Variants in ANK3 observed in about 807,000 individuals in gnomAD.
The protein encoded by ANK3 is ankyrin 3.
In ANK3, 57 loss-of-function variants were observed where a neutral mutation model predicts 370.9. The observed-to-expected ratio is 0.15, with a 90% CI of 0.12 to 0.19. ANK3 has a LOEUF of 0.19. Among genes scored for constraint, ANK3 ranks in the 10% least tolerant of loss-of-function variants. ANK3 has a pLI of 1.00. For synonymous variants in ANK3, 1,929 were observed against 1,946.3 expected, an observed-to-expected ratio of 0.99 and a Z score of 0.23; for missense variants, 4,439 against 5,302.1, an observed-to-expected ratio of 0.84 and a Z score of 5.06.
chr10:60,408,714 G>C (rs1303602983), intron 2 of ANK3, among the ~76,000 whole-genome samples: 1 of 152,148 alleles, frequency 6.6e-6, no homozygotes, highest in Non-Finnish European at 1.5e-5. Context: ...GGGGACCAAA[G>C]TGCTATCTCA....
chr10:60,411,768 C>CCA (rs2063565276), intron 2 of ANK3, among the ~76,000 whole-genome samples: 1 of 152,074 alleles, frequency 6.6e-6, no homozygotes, highest in Non-Finnish European at 1.5e-5. Context: ...GCCTCAGTTT[C>CCA]CACATTTCTA....
In ANK3 at chr10:60,063,219, G is replaced by A; in HGVS notation, c.12487C>T (p.Arg4163Ter). The A allele has an allele frequency of 1.2e-6, 2 of 1,607,626 alleles. No homozygotes were observed. The highest frequency in any genetic ancestry group is 8.5e-7 in the Non-Finnish European group (1 of 1,177,778). ...TCTAGCAGTGTCACTATATCTATTC[G>A]ATTAATTTTTGTCAAGACCGAAGTT... ...ALTSVLTKIN[R>*]IDIVTLLEGP... The change falls in exon 40 of 44, where the codon CGA (arginine) becomes TGA (stop). Residue 4163 changes from arginine (R) to a stop codon, truncating the protein, a stop_gained. Transcript: ENST00000280772. LOFTEE classifies it high-confidence loss of function.
At chr10:60,053,769 C>A (rs1046423634) in intron 42 of ANK3, 1 of 1,296,646 alleles carries the variant, frequency 7.7e-7, no homozygotes, top group Non-Finnish European at 1.0e-6. Flanking sequence ...TTTCTGAGAT[C>A]ATACATCAGA....
intron 2 of ANK3, among the ~76,000 whole-genome samples, chr10:60,592,395 A>G (rs1195953771): frequency 1.3e-5 from 2 of 152,236 alleles, no homozygotes; most frequent in East Asian, 3.8e-4. Flanking sequence ...CACCATAACC[A>G]GCCTACTACA....
chr10:60,214,657 C>T (rs990846868), intron 8 of ANK3, among the ~76,000 whole-genome samples: 3 of 152,190 alleles, frequency 2.0e-5, no homozygotes, highest in African/African-American at 7.2e-5. Context: ...TGATGGCTTC[C>T]GGCTTCATCC....
In ANK3 at chr10:60,274,308, G is replaced by A. The variant is rs1457904808; in HGVS notation, c.415-4079C>T. 4.6e-5 allele frequency among the ~76,000 whole-genome samples: 7 copies of A among 152,194 alleles called. No homozygotes were observed. In the East Asian group the frequency reaches 1.2e-3, roughly 25 times the overall value. On this transcript the variant is annotated intron_variant, in intron 4 of 43. Coordinates refer to ENST00000280772, the MANE Select transcript of ANK3 (RefSeq NM_020987.5). The stretch of plus-strand genomic sequence containing the variant: ...TTTCTGCTATCTATATTGATAAAAT[G>A]TTTTTGGTGAGTGTTTCATGGTGGA...
chr10:60,108,994 G>A lies in ANK3; in HGVS notation c.3009C>T (p.His1003=), dbSNP rs147312170. The stretch of plus-strand genomic sequence containing the variant: ...GTGGAGGAATGATGATTCTCATCCC[G>A]TGATGACGGCTTCCTCTCATGGAGC... The part of the protein sequence containing the change: ...RGGSMRGSRH[H]GMRIIIPPRK... Residue 1003 remains histidine (H), a synonymous_variant, in exon 27 of 44, where the codon CAC becomes CAT. Coordinates refer to ENST00000280772, the MANE Select transcript of ANK3 (RefSeq NM_020987.5). 6.8e-6 allele frequency: 11 copies of A among 1,613,902 alleles called. No individual in the cohort carries two copies. The highest frequency in any genetic ancestry group is 3.3e-5 in the South Asian group (3 of 91,070).
At chr10:60,244,242 C>T (rs376379026) in intron 7 of ANK3, among the ~76,000 whole-genome samples, 6 of 152,178 alleles carry the variant, frequency 3.9e-5, no homozygotes, top group East Asian at 1.9e-4. Context: ...CATTTAAATA[C>T]GAAAAGGATG....
intron 1 of ANK3, chr10:60,684,507 G>A: frequency 6.8e-7 from 1 of 1,477,334 alleles, no homozygotes; most frequent in Non-Finnish European, 9.2e-7. Context: ...AGCTGGAAAT[G>A]GGGAATGGAC....
At chr10:60,648,537 G>A (rs1195396130) in intron 1 of ANK3, among the ~76,000 whole-genome samples, 8 of 143,456 alleles carry the variant, frequency 5.6e-5, no homozygotes, top group Non-Finnish European at 9.1e-5. Flanking sequence ...TTGGGAGGCC[G>A]ACAAGGGTGG....
At chr10:60,455,016 GC>G (rs2064710715) in intron 2 of ANK3, among the ~76,000 whole-genome samples, 1 of 152,098 alleles carries the variant, frequency 6.6e-6, no homozygotes, top group Admixed American at 6.6e-5. Context: ...GGTGTGGTGT[GC>G]CCAAACATTT....
At chr10:60,569,348 C>T (rs1296317685) in intron 2 of ANK3, among the ~76,000 whole-genome samples, 2 of 152,120 alleles carry the variant, frequency 1.3e-5, no homozygotes, top group African/African-American at 4.8e-5. Flanking sequence ...CCAGTAGCTG[C>T]CTCAGGTACA....
At chr10:60,084,415 A>AAAATT (rs1306376215) in intron 32 of ANK3, 187 bp downstream of exon 32, 2 of 309,314 alleles carry the variant, frequency 6.5e-6, no homozygotes, top group African/African-American at 2.2e-5. Flanking sequence ...CAAAAAAAAA[A>AAAATT]AAATTAAATT....
rs553874146 is a variant in ANK3, at chr10:60,501,602, G to A, written c.96+113584C>T. 2.0e-4 allele frequency among the ~76,000 whole-genome samples: 31 copies of A among 151,880 alleles called. No homozygotes were observed. In the South Asian group the frequency reaches 6.4e-3, roughly 32 times the overall value. ...CACCTGTAATGCCAGCTAGCTGGGA[G>A]GCTGAGGCAGAAGAAATGTTTGAAC... On this transcript the variant is annotated intron_variant, in intron 2 of 43. Transcript: ENST00000373827.
At chr10:60,680,352 G>A (rs888985900) in intron 1 of ANK3, among the ~76,000 whole-genome samples, 12 of 152,182 alleles carry the variant, frequency 7.9e-5, no homozygotes, top group African/African-American at 2.9e-4. Context: ...TGCAGTGAGG[G>A]CCAGCATGGC....
At position 60,335,666 on chromosome 10, in the gene ANK3, C is replaced by T. The variant is rs915465457; in HGVS notation, c.114+53759G>A. Among the ~76,000 whole-genome samples, 4 of 152,260 alleles carry T rather than the reference C, an allele frequency of 2.6e-5. No individual in the cohort carries two copies. In the East Asian group the frequency reaches 7.7e-4, roughly 29 times the overall value. ...GTGATCAGAATTTTAATGAGCTCAT[C>T]GGTCTTGACTTAAAAACTAACCTTA... On this transcript the variant is annotated intron_variant, in intron 1 of 43. Coordinates refer to ENST00000280772, the MANE Select transcript of ANK3 (RefSeq NM_020987.5).
intron 5 of ANK3, among the ~76,000 whole-genome samples, chr10:60,268,582 C>G (rs1178676585): frequency 1.3e-5 from 2 of 152,012 alleles, no homozygotes; most frequent in Non-Finnish European, 2.9e-5. Flanking sequence ...ATTGTGTTGA[C>G]AAACATCCTT....
chr10:60,252,318 T>C (rs2097680657), intron 7 of ANK3, among the ~76,000 whole-genome samples: 2 of 152,208 alleles, frequency 1.3e-5, no homozygotes, highest in Non-Finnish European at 2.9e-5. Context: ...CACTGTCTGA[T>C]GACAGGGAGT....
In ANK3 at chr10:60,389,732, G is replaced by T; in HGVS notation, c.-194C>A. On this transcript the variant is annotated 5_prime_UTR_variant, in exon 1 of 44. Transcript: ENST00000280772. ...TTAAAAACCCAAATGATGGTGTCCG[G>T]ACTTCATCCTACACCTTCCTCTACC... 3 of 1,424,818 alleles carry T rather than the reference G, an allele frequency of 2.1e-6. No homozygotes were observed. Among genetic ancestry groups the T allele is most frequent in the South Asian group, 1.5e-5 (1 of 64,994 alleles). The allele number at this position is 1,424,818 out of a possible 1,614,324, so 88.3% of individuals were successfully genotyped here.
Sources: allele counts gnomAD v4.1 joint callset (sites outside exome capture counted in the v4.1 genomes callset), GRCh38; gene constraint gnomAD v4.1.1; transcripts MANE v1.5; gene names NCBI Gene and HGNC (gene_info 2026-07-23, HGNC 2026-07-21).